DNAH11: variants seen among roughly 807,000 people sequenced by gnomAD.
The protein encoded by DNAH11 is dynein axonemal heavy chain 11.
DNAH11 carries 442 observed loss-of-function variants against 526.0 expected under a neutral mutation model. The observed-to-expected ratio is 0.84, with a 90% CI of 0.78 to 0.91. The LOEUF (loss-of-function observed/expected upper bound fraction) is 0.91, where lower values mean the gene tolerates loss of function less well. DNAH11 is among the 40% of genes least tolerant of loss of function. The pLI is 0.00. For synonymous variants in DNAH11, 2,461 were observed against 1,935.9 expected (o/e 1.27, Z -7.12); for missense variants, 6,989 against 5,448.7 (o/e 1.28, Z -8.90).
intron 25 of DNAH11, among the ~76,000 whole-genome samples, chr7:21,629,210 A>C (rs1157789530): frequency 3.9e-5 from 6 of 152,052 alleles, no homozygotes; most frequent in Non-Finnish European, 5.9e-5. Flanking sequence ...TGTTTGTGAC[A>C]TTTCTAAGGT....
chr7:21,617,168 A>T (rs1785819136), intron 22 of DNAH11, among the ~76,000 whole-genome samples: 1 of 152,196 alleles, frequency 6.6e-6, no homozygotes, highest in African/African-American at 2.4e-5. Flanking sequence ...TTGGCATTTT[A>T]AGATGATGAA....
At chr7:21,777,388 C>T (rs1341255258) in intron 56 of DNAH11, among the ~76,000 whole-genome samples, 1 of 151,578 alleles carries the variant, frequency 6.6e-6, no homozygotes, top group Non-Finnish European at 1.5e-5. Flanking sequence ...TTATGAATAC[C>T]CGTGTACAGG....
In DNAH11 at chr7:21,632,419, C is replaced by T. The variant is rs147419890; in HGVS notation, c.4501-3452C>T. Among the ~76,000 whole-genome samples, 449 of 152,274 alleles carry T rather than the reference C, an allele frequency of 2.9e-3. 4 individuals carry two copies. Among genetic ancestry groups the T allele is most frequent in the African/African-American group, 0.01 (432 of 41,550 alleles). ...TTTTCTTTCCTATCACATTGTCGGG[C>T]TACAAATTTTCTGAACTTCTGTGGT... On this transcript the variant is annotated intron_variant, in intron 25 of 81. Transcript: ENST00000409508.
chr7:21,591,707 G>A (rs373198206), intron 14 of DNAH11, 130 bp downstream of exon 14: 4 of 941,856 alleles, frequency 4.2e-6, no homozygotes, highest in East Asian at 5.6e-5. Context: ...GTATTATTAG[G>A]CATTTAAAGT....
In DNAH11 at chr7:21,877,646, C is replaced by T. The variant is rs186199739; in HGVS notation, c.12196-3056C>T. Among the ~76,000 whole-genome samples the T allele has an allele frequency of 2.2e-4, 33 of 151,854 alleles. No individual in the cohort carries two copies. In the East Asian group the frequency reaches 4.5e-3, roughly 21 times the overall value. Reference sequence around the variant, plus strand: ...ATCCCAGCACTTTGGGAGGCCGAGGCGGGCGGATCACGAGGTCAGGAGATT... The same window carrying T: ...ATCCCAGCACTTTGGGAGGCCGAGGTGGGCGGATCACGAGGTCAGGAGATT... On this transcript the variant is annotated intron_variant, in intron 74 of 81. Transcript: ENST00000409508.
At chr7:21,660,749 A>G (rs981227133) in intron 30 of DNAH11, among the ~76,000 whole-genome samples, 5 of 151,988 alleles carry the variant, frequency 3.3e-5, no homozygotes, top group African/African-American at 1.2e-4. Context: ...ATCTGTAGCT[A>G]TTTATATATA....
chr7:21,850,652 C>G (rs1782597242), intron 66 of DNAH11, among the ~76,000 whole-genome samples: 1 of 78,446 alleles, frequency 1.3e-5, no homozygotes, highest in African/African-American at 5.0e-5. Context: ...ATACCTTGTA[C>G]TTATTTGTTG....
At chr7:21,804,705 C>T (rs1292288241) in intron 62 of DNAH11, among the ~76,000 whole-genome samples, 1 of 152,162 alleles carries the variant, frequency 6.6e-6, no homozygotes, top group South Asian at 2.1e-4. Flanking sequence ...CTTCACCTTA[C>T]CATGCTGGTC....
chr7:21,883,456 A>G (rs1784007966), intron 75 of DNAH11, among the ~76,000 whole-genome samples: 1 of 152,234 alleles, frequency 6.6e-6, no homozygotes, highest in Admixed American at 6.5e-5. Flanking sequence ...AACAGTCATT[A>G]GGCCAGTCAT....
At chr7:21,608,773 T>A (rs1404949262) in intron 20 of DNAH11, among the ~76,000 whole-genome samples, 1 of 152,262 alleles carries the variant, frequency 6.6e-6, no homozygotes, top group Non-Finnish European at 1.5e-5. Flanking sequence ...CTACAGTTAC[T>A]TATTGAATTG....
At chr7:21,823,283 G>T (rs1248127591) in intron 65 of DNAH11, among the ~76,000 whole-genome samples, 1 of 151,814 alleles carries the variant, frequency 6.6e-6, no homozygotes, top group Non-Finnish European at 1.5e-5. Context: ...TCCCCCCTCG[G>T]TTTTTTCCTA....
chr7:21,878,318 G>A (rs1232186827), intron 74 of DNAH11, among the ~76,000 whole-genome samples: 1 of 152,152 alleles, frequency 6.6e-6, no homozygotes, highest in African/African-American at 2.4e-5. Flanking sequence ...TTTATATAAA[G>A]TACAGATTGA....
At chr7:21,776,127 G>A (rs766340402) in intron 56 of DNAH11, among the ~76,000 whole-genome samples, 3 of 152,262 alleles carry the variant, frequency 2.0e-5, no homozygotes, top group South Asian at 2.1e-4. Flanking sequence ...GGAGAGAGAC[G>A]GGAGGGCCGA....
chr7:21,653,089 T>C (rs896354024), intron 28 of DNAH11, among the ~76,000 whole-genome samples: 1 of 152,176 alleles, frequency 6.6e-6, no homozygotes, highest in Non-Finnish European at 1.5e-5. Context: ...TTGGTCAGGC[T>C]GGTTTGGAAC....
At chr7:21,828,921 C>G (rs1039159298) in intron 65 of DNAH11, among the ~76,000 whole-genome samples, 1 of 152,060 alleles carries the variant, frequency 6.6e-6, no homozygotes, top group African/African-American at 2.4e-5. Flanking sequence ...TAACTCATTT[C>G]TATTCAGGGT....
chr7:21,894,675 T>C lies in DNAH11; in HGVS notation c.12803T>C (p.Met4268Thr), dbSNP rs749687113. The change falls in exon 78 of 82, where the codon ATG becomes ACG. Residue 4268 changes from methionine (M) to threonine (T), a missense_variant. Met to Thr is a moderately conservative substitution (Grantham distance 81, BLOSUM62 -1). Coordinates refer to ENST00000409508, the MANE Select transcript of DNAH11 (RefSeq NM_001277115.2). ...ILEKLPEEFN[M>T]AEIMQKNSNR... The stretch of plus-strand genomic sequence containing the variant: ...GAGAAACTTCCAGAAGAGTTCAACA[T>C]GGCAGAGATAATGCAAAAAAATTCA... 1 of 1,614,014 alleles carries C rather than the reference T, an allele frequency of 6.2e-7. No individual in the cohort carries two copies. The highest frequency in any genetic ancestry group is 8.5e-7 in the Non-Finnish European group (1 of 1,179,886).
chr7:21,548,598 T>C (rs898531506), intron 2 of DNAH11, among the ~76,000 whole-genome samples: 14 of 152,286 alleles, frequency 9.2e-5, no homozygotes, highest in African/African-American at 3.4e-4. Context: ...GCAATTGGAC[T>C]AAAGCACAAG....
chr7:21,659,450 A>C (rs1184861895), intron 30 of DNAH11, among the ~76,000 whole-genome samples: 1 of 151,846 alleles, frequency 6.6e-6, no homozygotes, highest in African/African-American at 2.4e-5. Context: ...TACAGATGAG[A>C]ACTTTGAAAA....
intron 39 of DNAH11, among the ~76,000 whole-genome samples, chr7:21,705,975 ATTTTC>A (rs937054702): frequency 6.6e-6 from 1 of 152,072 alleles, no homozygotes; most frequent in African/African-American, 2.4e-5. Flanking sequence ...TATCAAACCT[ATTTTC>A]TTTTCCAAGT....
Sources: allele counts gnomAD v4.1 joint callset (sites outside exome capture counted in the v4.1 genomes callset), GRCh38; gene constraint gnomAD v4.1.1; transcripts MANE v1.5; gene names NCBI Gene and HGNC (gene_info 2026-07-23, HGNC 2026-07-21).